Variants in SUGCT observed in about 807,000 individuals in gnomAD.
SUGCT encodes succinyl-CoA:glutarate-CoA transferase, also known as succinyl-CoA:glutarate CoA-transferase.
In SUGCT, 41 loss-of-function variants were observed where a neutral mutation model predicts 55.0. The ratio of observed to expected loss-of-function variants is 0.74; its 90% confidence interval spans 0.58 to 0.97. The LOEUF is 0.97. Among genes scored for constraint, SUGCT ranks in the 50% least tolerant of loss-of-function variants. SUGCT has a pLI of 0.00. For synonymous variants in SUGCT, 187 were observed against 200.4 expected, an observed-to-expected ratio of 0.93 and a Z score of 0.56; for missense variants, 568 against 547.8, an observed-to-expected ratio of 1.04 and a Z score of -0.37.
At chr7:40,341,512 A>T (rs1383518607) in intron 9 of SUGCT, among the ~76,000 whole-genome samples, 1 of 152,212 alleles carries the variant, frequency 6.6e-6, no homozygotes, top group African/African-American at 2.4e-5. Flanking sequence ...TTTATTAAAC[A>T]TGTTTATAGA....
chr7:40,537,993 G>C (rs937275555), intron 12 of SUGCT: 1 of 152,182 alleles, frequency 6.6e-6, no homozygotes, highest in South Asian at 2.1e-4. Context: ...TAATGAACAC[G>C]ATAGCTATGA....
chr7:40,656,228 CATAGCATCT>C (rs962684016), intron 12 of SUGCT, among the ~76,000 whole-genome samples: 57 of 144,986 alleles, frequency 3.9e-4, no homozygotes, highest in Non-Finnish European at 4.9e-4. Flanking sequence ...TGCTTATTAT[CATAGCATCT>C]TTTTTTTTTT....
At chr7:40,654,553 A>G (rs1485284189) in intron 12 of SUGCT, among the ~76,000 whole-genome samples, 1 of 152,224 alleles carries the variant, frequency 6.6e-6, no homozygotes, top group Non-Finnish European at 1.5e-5. Flanking sequence ...GTGTAACGAG[A>G]GCAAATGCTC....
At chr7:40,982,765 A>G in the SUGCT span, among the ~76,000 whole-genome samples, 27 of 152,118 alleles carry the variant, frequency 1.8e-4, no homozygotes, top group East Asian at 3.1e-3. Context: ...CTCTCATCTC[A>G]GCCTCCTGAG....
chr7:40,609,314 C>G, intron 12 of SUGCT, among the ~76,000 whole-genome samples: 1 of 152,018 alleles, frequency 6.6e-6, no homozygotes, highest in East Asian at 1.9e-4. Context: ...ATATGATTAT[C>G]CCAGCACTTT....
At chr7:40,476,786 A>G (rs1038266073) in intron 11 of SUGCT, among the ~76,000 whole-genome samples, 3 of 151,902 alleles carry the variant, frequency 2.0e-5, no homozygotes, top group Admixed American at 1.3e-4. Flanking sequence ...CTGAATGAAA[A>G]GATTTATAGT....
At chr7:40,536,559 T>A (rs1010243428) in intron 12 of SUGCT, among the ~76,000 whole-genome samples, 1 of 152,234 alleles carries the variant, frequency 6.6e-6, no homozygotes, top group African/African-American at 2.4e-5. Flanking sequence ...GATAGCCACA[T>A]AGGGCCAGGC....
the SUGCT span, among the ~76,000 whole-genome samples, chr7:41,032,503 A>G: frequency 1.3e-5 from 2 of 152,166 alleles, no homozygotes; most frequent in African/African-American, 2.4e-5. Flanking sequence ...TGTAAAGGAA[A>G]GGCAAGAGTA....
At position 40,492,221 on chromosome 7, in the gene SUGCT, G is replaced by A. The variant is rs957404133; in HGVS notation, c.987-4063G>A. On this transcript the variant is annotated intron_variant, in intron 11 of 13. Coordinates refer to ENST00000335693, the MANE Select transcript of SUGCT (RefSeq NM_001193313.2). ...TTTCAGAGGCTCGGGAGTGATGGTGGATTGAAAACAGATATATAAGAGTAA... is the reference window on the plus strand; with the variant it reads ...TTTCAGAGGCTCGGGAGTGATGGTGAATTGAAAACAGATATATAAGAGTAA... 2.0e-5 allele frequency among the ~76,000 whole-genome samples: 3 copies of A among 152,250 alleles called. No individual in the cohort carries two copies. In the South Asian group the frequency reaches 6.2e-4, roughly 32 times the overall value.
At position 40,696,082 on chromosome 7, in the gene SUGCT, G is replaced by A. The variant is rs116718824; in HGVS notation, c.1090-53352G>A. ...TTCCCGTTTCTGTCTAATAGCATATGTCTAGTGGACATCTGCCATGTATAC... is the reference window on the plus strand; with the variant it reads ...TTCCCGTTTCTGTCTAATAGCATATATCTAGTGGACATCTGCCATGTATAC... On this transcript the variant is annotated intron_variant, in intron 12 of 13. Coordinates refer to ENST00000335693, the MANE Select transcript of SUGCT (RefSeq NM_001193313.2). Among the ~76,000 whole-genome samples the A allele has an allele frequency of 1.6e-3, 251 of 152,254 alleles. 2 individuals carry two copies. Among genetic ancestry groups the A allele is most frequent in the African/African-American group, 5.6e-3 (231 of 41,546 alleles).
chr7:40,566,797 G>A (rs1796181184), intron 12 of SUGCT, among the ~76,000 whole-genome samples: 1 of 152,130 alleles, frequency 6.6e-6, no homozygotes, highest in Non-Finnish European at 1.5e-5. Flanking sequence ...GCCATGGAAA[G>A]CCTATAGCAA....
chr7:40,189,028 T>G (rs1486504106), intron 4 of SUGCT, among the ~76,000 whole-genome samples: 2 of 152,178 alleles, frequency 1.3e-5, no homozygotes, highest in Non-Finnish European at 2.9e-5. Flanking sequence ...ATGATATGAA[T>G]GGCTTTCTTG....
At chr7:40,274,073 C>CTTTTTT (rs386409972) in intron 7 of SUGCT, among the ~76,000 whole-genome samples, 7,207 of 67,952 alleles carry the variant, frequency 0.11, 409 homozygotes, top group East Asian at 0.12. Flanking sequence ...TTTTTACCTT[C>CTTTTTT]TTTTTTTTTT....
chr7:40,870,210 A>G, the SUGCT span, among the ~76,000 whole-genome samples: 1 of 152,186 alleles, frequency 6.6e-6, no homozygotes, highest in South Asian at 2.1e-4. Context: ...ATTGAACTGA[A>G]AGAAAAGTGT....
chr7:40,406,378 A>C (rs1786371625), intron 9 of SUGCT, among the ~76,000 whole-genome samples: 1 of 152,142 alleles, frequency 6.6e-6, no homozygotes, highest in Non-Finnish European at 1.5e-5. Flanking sequence ...TGGCTGATTT[A>C]TTAGTTTCAC....
At chr7:40,373,008 G>A (rs1303858406) in intron 9 of SUGCT, among the ~76,000 whole-genome samples, 1 of 151,926 alleles carries the variant, frequency 6.6e-6, no homozygotes, top group African/African-American at 2.4e-5. Flanking sequence ...TAAGATTTGT[G>A]CTGTATGTAA....
At chr7:40,379,041 A>G (rs1222757385) in intron 9 of SUGCT, among the ~76,000 whole-genome samples, 1 of 152,168 alleles carries the variant, frequency 6.6e-6, no homozygotes, top group Non-Finnish European at 1.5e-5. Flanking sequence ...CATCCTTATC[A>G]GAGAGAGGCA....
At chr7:40,393,383 G>A (rs1363310530) in intron 9 of SUGCT, among the ~76,000 whole-genome samples, 2 of 152,178 alleles carry the variant, frequency 1.3e-5, no homozygotes, top group Non-Finnish European at 2.9e-5. Context: ...AGGGAATGGA[G>A]ACAACTGGTG....
chr7:40,320,099 A>G (rs1335292965), intron 9 of SUGCT, among the ~76,000 whole-genome samples: 2 of 142,566 alleles, frequency 1.4e-5, no homozygotes, highest in African/African-American at 2.6e-5. Context: ...GTTACATAAT[A>G]TTTGTTAATT....
Sources: gnomAD v4.1 joint callset for allele counts (sites outside exome capture counted in the v4.1 genomes callset) on GRCh38, gnomAD v4.1.1 for gene constraint, MANE v1.5 for transcripts, NCBI Gene and HGNC (gene_info 2026-07-23, HGNC 2026-07-21) for gene names.